The following DACH2 variants were observed in gnomAD, a reference collection of about 807,000 sequenced individuals.
DACH2 encodes dachshund family transcription factor 2.
Under a neutral mutation model 35.8 loss-of-function variants are expected in DACH2, and 17 were observed. The observed-to-expected ratio is 0.48, with a 90% CI of 0.33 to 0.71. DACH2 has a LOEUF of 0.71. Ranked by LOEUF, DACH2 falls within the 30% of genes least tolerant of loss-of-function variation. The probability of loss-of-function intolerance (pLI) is 0.02; values close to 1 mark genes in which losing one functional copy is unlikely to be tolerated. For synonymous variants in DACH2, 195 were observed against 177.3 expected, an observed-to-expected ratio of 1.10 and a Z score of -0.79; for missense variants, 469 against 472.7, an observed-to-expected ratio of 0.99 and a Z score of 0.07.
intron 3 of DACH2, among the ~76,000 whole-genome samples, chrX:86,648,054 G>A (rs774997618): frequency 9.1e-6 from 1 of 110,430 alleles, no homozygotes; most frequent in Non-Finnish European, 1.9e-5. Context: ...CTCAGTTATC[G>A]GTAAGTGCAA....
At chrX:86,601,748 G>A (rs761848349) in intron 3 of DACH2, among the ~76,000 whole-genome samples, 120 of 112,133 alleles carry the variant, frequency 1.1e-3, no homozygotes, top group African/African-American at 3.8e-3. Flanking sequence ...AAGAAACTGT[G>A]GTCTAGAGAG....
At chrX:86,250,183 A>G (rs1437208729) in intron 1 of DACH2, among the ~76,000 whole-genome samples, 1 of 111,579 alleles carries the variant, frequency 9.0e-6, no homozygotes, top group Non-Finnish European at 1.9e-5. Flanking sequence ...AAACTTGCAC[A>G]TGTACTTCGT....
chrX:86,212,505 T>G (rs749686615), intron 1 of DACH2, among the ~76,000 whole-genome samples: 36 of 110,590 alleles, frequency 3.3e-4, no homozygotes, highest in Non-Finnish European at 5.9e-4. Context: ...AACTATGGAG[T>G]TTTTTGATTT....
rs2035425193 is a variant in DACH2, at chrX:86,342,269, T to C, written c.489-34555T>C. Among the ~76,000 whole-genome samples the C allele has an allele frequency of 6.3e-5, 7 of 110,773 alleles. No homozygotes were observed. The South Asian group carries it at 2.7e-3, about 43-fold the overall frequency. ...TTCCAAGACCTTTGTAAGTCTGATGTAGGAGGATCTCTTGAGCCCAGGAGT... is the reference window on the plus strand; with the variant it reads ...TTCCAAGACCTTTGTAAGTCTGATGCAGGAGGATCTCTTGAGCCCAGGAGT... On this transcript the variant is annotated intron_variant, in intron 1 of 11. Transcript: ENST00000373125.
chrX:86,517,205 C>T (rs1315181396), intron 3 of DACH2, among the ~76,000 whole-genome samples: 6 of 111,282 alleles, frequency 5.4e-5, no homozygotes, highest in African/African-American at 2.0e-4. Flanking sequence ...TCTGCAAACT[C>T]GTCAGCATGT....
chrX:86,546,339 C>CTCTTCTTCTTCTTCCTCTTCTTCTTCT, intron 3 of DACH2, among the ~76,000 whole-genome samples: 1 of 67,222 alleles, frequency 1.5e-5, no homozygotes, highest in Non-Finnish European at 2.8e-5. Flanking sequence ...CTTCTTCTTC[C>CTCTTCTTCTTCTTCCTCTTCTTCTTCT]TCTTCTTCTT....
chrX:86,357,673 A>G (rs1229583676), intron 1 of DACH2, among the ~76,000 whole-genome samples: 1 of 112,344 alleles, frequency 8.9e-6, no homozygotes, highest in Non-Finnish European at 1.9e-5. Flanking sequence ...AGCCTTAATA[A>G]GGTAATGTTT....
At chrX:86,430,064 G>A (rs2036961505) in intron 2 of DACH2, among the ~76,000 whole-genome samples, 1 of 112,336 alleles carries the variant, frequency 8.9e-6, no homozygotes, top group Admixed American at 9.4e-5. Context: ...GACAAATTCT[G>A]TGCAATTGAT....
intron 1 of DACH2, among the ~76,000 whole-genome samples, chrX:86,163,524 T>A (rs2030838123): frequency 9.0e-6 from 1 of 111,257 alleles, no homozygotes; most frequent in Admixed American, 9.6e-5. Flanking sequence ...TACAGATTAT[T>A]TCGTCACCCA....
At chrX:86,637,206 CAAAAAAAAA>C (rs772970002) in intron 3 of DACH2, among the ~76,000 whole-genome samples, 3 of 7,757 alleles carry the variant, frequency 3.9e-4, no homozygotes, top group African/African-American at 7.8e-4. Flanking sequence ...ACTGAAAAGC[CAAAAAAAAA>C]AAAAAAAAAA....
intron 1 of DACH2, among the ~76,000 whole-genome samples, chrX:86,239,197 TGATTTA>T (rs1241694283): frequency 8.9e-6 from 1 of 111,883 alleles, no homozygotes; most frequent in Non-Finnish European, 1.9e-5. Context: ...TTGAAGTAAC[TGATTTA>T]GATTGTTAAT....
chrX:86,213,102 G>A (rs1279379642), intron 1 of DACH2, among the ~76,000 whole-genome samples: 7 of 110,523 alleles, frequency 6.3e-5, no homozygotes, highest in East Asian at 5.6e-4. Flanking sequence ...ATAAATAAAC[G>A]GCATAAATTC....
chrX:86,758,401 C>T (rs1294064576), intron 7 of DACH2, among the ~76,000 whole-genome samples: 1 of 111,649 alleles, frequency 9.0e-6, no homozygotes, highest in Non-Finnish European at 1.9e-5. Flanking sequence ...TGCTGTATCA[C>T]ACAGGTTTTG....
intron 1 of DACH2, among the ~76,000 whole-genome samples, chrX:86,368,851 T>G (rs1002410152): frequency 9.0e-6 from 1 of 110,930 alleles, no homozygotes; most frequent in African/African-American, 3.3e-5. Flanking sequence ...TTAAGTTAAT[T>G]CTTTGCAGTG....
At chrX:86,375,595 C>G (rs190714639) in intron 1 of DACH2, among the ~76,000 whole-genome samples, 1 of 106,646 alleles carries the variant, frequency 9.4e-6, no homozygotes, top group East Asian at 3.0e-4. Context: ...TATTTAAGAA[C>G]AGTGTCACCT....
intron 1 of DACH2, among the ~76,000 whole-genome samples, chrX:86,238,427 GCT>G (rs2033099773): frequency 8.9e-6 from 1 of 112,104 alleles, no homozygotes; most frequent in African/African-American, 3.2e-5. Context: ...CTTACAAGGA[GCT>G]AATGAAGTCC....
rs140747201 is a variant in DACH2 at position 86,174,119 on chromosome X, G to GTT, written c.488+25031_488+25032dup. ...GGTGGCAGAGTTCAAGAGTACAGTT[G>GTT]TTTTTTTTTTTTTTTTTTTTTGAGA... On this transcript the variant is annotated intron_variant, in intron 1 of 11. Transcript: ENST00000373125. Among the ~76,000 whole-genome samples the GTT allele has an allele frequency of 3.2e-3, 231 of 71,719 alleles. 5 individuals are homozygous for GTT. The highest frequency in any genetic ancestry group is 0.012 in the African/African-American group (213 of 18,117). The allele number at this position is 71,719 out of a possible 115,157, so 62.3% of individuals were successfully genotyped here.
At chrX:86,595,648 C>T (rs970550944) in intron 3 of DACH2, among the ~76,000 whole-genome samples, 8 of 110,146 alleles carry the variant, frequency 7.3e-5, no homozygotes, top group Admixed American at 9.8e-5. Context: ...ATGTTTGTAA[C>T]TATTTTTATT....
At chrX:86,684,922 ATAAT>A (rs1469933892) in intron 4 of DACH2, among the ~76,000 whole-genome samples, 2 of 111,847 alleles carry the variant, frequency 1.8e-5, no homozygotes, top group South Asian at 3.6e-4. Flanking sequence ...TTAAATAGAA[ATAAT>A]TAAGAAGATT....
Sources: gnomAD v4.1 joint callset for allele counts (sites outside exome capture counted in the v4.1 genomes callset) on GRCh38, gnomAD v4.1.1 for gene constraint, MANE v1.5 for transcripts, NCBI Gene and HGNC (gene_info 2026-07-23, HGNC 2026-07-21) for gene names.